The following ATP8A1 variants were observed in gnomAD, a reference collection of about 807,000 sequenced individuals.
ATP8A1 encodes the protein phospholipid-transporting ATPase IA.
In ATP8A1, 90 loss-of-function variants were observed where a neutral mutation model predicts 177.7. The ratio of observed to expected loss-of-function variants is 0.51; its 90% CI spans 0.43 to 0.60. The LOEUF is 0.60. ATP8A1 is among the 20% of genes least tolerant of loss of function. The pLI, the probability that ATP8A1 is intolerant of heterozygous loss-of-function variation, is 0.00. For missense variants in ATP8A1, 1,072 were observed against 1,392.8 expected, an observed-to-expected ratio of 0.77 and a Z score of 3.67; for synonymous variants, 493 against 485.9, an observed-to-expected ratio of 1.01 and a Z score of -0.19.
intron 20 of ATP8A1, among the ~76,000 whole-genome samples, chr4:42,542,633 G>A (rs181573679): frequency 1.3e-4 from 20 of 151,872 alleles, no homozygotes; most frequent in South Asian, 4.2e-4. Flanking sequence ...TCCCCTTCCC[G>A]TGTCCATGTG....
chr4:42,519,639 G>A (rs775082526), intron 22 of ATP8A1, among the ~76,000 whole-genome samples: 3 of 152,156 alleles, frequency 2.0e-5, no homozygotes, highest in Non-Finnish European at 4.4e-5. Context: ...CTTGATGAAA[G>A]TTATTTAAAT....
intron 25 of ATP8A1, chr4:42,472,034 C>T (rs1720477895): frequency 6.9e-6 from 5 of 720,946 alleles, no homozygotes; most frequent in Non-Finnish European, 1.3e-5. Flanking sequence ...TCCAGAAAAT[C>T]CAACTCTGGC....
At chr4:42,655,463 T>A (rs1374930456) in intron 1 of ATP8A1, among the ~76,000 whole-genome samples, 5 of 152,200 alleles carry the variant, frequency 3.3e-5, no homozygotes, top group Non-Finnish European at 7.3e-5. Context: ...CACCACCAAC[T>A]ATTACCATTC....
intron 33 of ATP8A1, among the ~76,000 whole-genome samples, chr4:42,427,181 T>C: frequency 6.6e-6 from 1 of 152,168 alleles, no homozygotes; most frequent in Admixed American, 6.5e-5. Context: ...TTTAAAGAAC[T>C]GATTTACGAA....
At chr4:42,587,842 T>C (rs1427152863) in intron 8 of ATP8A1, among the ~76,000 whole-genome samples, 2 of 151,980 alleles carry the variant, frequency 1.3e-5, no homozygotes, top group Admixed American at 6.5e-5. Context: ...TCTCCTGACC[T>C]TGTGATTCAC....
chr4:42,446,727 A>T, intron 30 of ATP8A1, 83 bp from the exon 31 acceptor site: 5 of 1,316,552 alleles, frequency 3.8e-6, no homozygotes, highest in Non-Finnish European at 5.4e-6. Flanking sequence ...AGTTTGAACG[A>T]AGGAAGGGAA....
chr4:42,450,642 A>T (rs1374355926), intron 30 of ATP8A1, among the ~76,000 whole-genome samples: 1 of 152,214 alleles, frequency 6.6e-6, no homozygotes, highest in East Asian at 1.9e-4. Flanking sequence ...CTGAGCAATT[A>T]AAAAAGGAGA....
intron 24 of ATP8A1, among the ~76,000 whole-genome samples, chr4:42,487,828 C>T (rs1040336433): frequency 2.6e-5 from 4 of 152,130 alleles, no homozygotes; most frequent in Non-Finnish European, 5.9e-5. Context: ...AGAAAGACTG[C>T]CCAACTTTCC....
intron 6 of ATP8A1, among the ~76,000 whole-genome samples, chr4:42,596,666 C>CAAAAAAAAAAAAAA (rs71648737): frequency 1.8e-4 from 13 of 73,972 alleles, no homozygotes; most frequent in Non-Finnish European, 2.8e-4. Flanking sequence ...GACTCCATCT[C>CAAAAAAAAAAAAAA]AAAAAAAAAA....
chr4:42,590,449 C>T (rs915386873), intron 7 of ATP8A1, among the ~76,000 whole-genome samples: 1 of 152,090 alleles, frequency 6.6e-6, no homozygotes, highest in African/African-American at 2.4e-5. Context: ...AAAAGCTTAA[C>T]ATTATTCAAA....
At chr4:42,580,622 T>C (rs2109341721) in intron 10 of ATP8A1, among the ~76,000 whole-genome samples, 1 of 152,370 alleles carries the variant, frequency 6.6e-6, no homozygotes, top group African/African-American at 2.4e-5. Flanking sequence ...AATGAAGATT[T>C]ATAGAATTTA....
intron 25 of ATP8A1, among the ~76,000 whole-genome samples, chr4:42,479,480 T>C (rs973052062): frequency 1.4e-4 from 22 of 152,184 alleles, no homozygotes; most frequent in Admixed American, 6.5e-5. Context: ...ATGAGGTCAG[T>C]AGGCTGACAG....
chr4:42,424,581 G>A lies in ATP8A1; in HGVS notation c.3124-876C>T, dbSNP rs573966539. Among the ~76,000 whole-genome samples the A allele has an allele frequency of 2.1e-4, 32 of 152,176 alleles. No homozygotes were observed. The South Asian group carries it at 2.7e-3, about 13-fold the overall frequency. ...TTAAAAAGAATCAGGTATGGTTCAG[G>A]AATTAAAAATAACCTAGAGTTTAAT... On this transcript the variant is annotated intron_variant, in intron 33 of 36. Coordinates refer to ENST00000381668, the MANE Select transcript of ATP8A1 (RefSeq NM_006095.2).
intron 14 of ATP8A1, among the ~76,000 whole-genome samples, chr4:42,573,219 A>C (rs1279487552): frequency 6.6e-6 from 1 of 152,230 alleles, no homozygotes; most frequent in Non-Finnish European, 1.5e-5. Context: ...ACAAAGTAAA[A>C]AACAATGCCA....
intron 24 of ATP8A1, among the ~76,000 whole-genome samples, chr4:42,496,152 G>T (rs549252953): frequency 9.8e-5 from 15 of 152,314 alleles, no homozygotes; most frequent in African/African-American, 3.4e-4. Context: ...CTCACTTAGG[G>T]TACAATGCAG....
At chr4:42,517,829 T>C (rs1725716685) in intron 22 of ATP8A1, among the ~76,000 whole-genome samples, 1 of 152,212 alleles carries the variant, frequency 6.6e-6, no homozygotes, top group African/African-American at 2.4e-5. Flanking sequence ...TTATATTTTA[T>C]AGATAGATTT....
At chr4:42,656,268 C>T (rs1741604130) in intron 1 of ATP8A1, among the ~76,000 whole-genome samples, 1 of 152,198 alleles carries the variant, frequency 6.6e-6, no homozygotes, top group Non-Finnish European at 1.5e-5. Flanking sequence ...AAAACGAAAC[C>T]TCAGACGCGA....
intron 24 of ATP8A1, among the ~76,000 whole-genome samples, chr4:42,487,092 T>G (rs1489456807): frequency 1.3e-5 from 2 of 152,238 alleles, no homozygotes; most frequent in African/African-American, 2.4e-5. Flanking sequence ...GCCTCTTTTA[T>G]GAACTGGCTT....
chr4:42,452,607 T>G (rs1403654579), intron 29 of ATP8A1, among the ~76,000 whole-genome samples: 2 of 152,220 alleles, frequency 1.3e-5, no homozygotes, highest in African/African-American at 4.8e-5. Context: ...TGACTATGAC[T>G]TTACTAAAGG....
Sources: gnomAD v4.1 joint callset for allele counts (sites outside exome capture counted in the v4.1 genomes callset) on GRCh38, gnomAD v4.1.1 for gene constraint, MANE v1.5 for transcripts, NCBI Gene and HGNC (gene_info 2026-07-23, HGNC 2026-07-21) for gene names.